The following KLF12 variants were observed in gnomAD, a reference collection of about 807,000 sequenced individuals.
KLF12 encodes KLF transcription factor 12.
A neutral mutation model predicts 37.8 loss-of-function variants in KLF12; 9 were observed. The observed-to-expected ratio is 0.24, with a 90% CI of 0.14 to 0.42. KLF12 has a LOEUF of 0.42. Ranked by LOEUF, KLF12 falls within the 10% of genes least tolerant of loss-of-function variation. The pLI is 1.00. For synonymous variants in KLF12, 208 were observed against 202.1 expected (o/e 1.03, Z -0.25); for missense variants, 411 against 516.0 (o/e 0.80, Z 1.97).
intron 4 of KLF12, among the ~76,000 whole-genome samples, chr13:73,835,751 T>A (rs570010305): frequency 1.3e-5 from 2 of 152,260 alleles, no homozygotes; most frequent in African/African-American, 4.8e-5. Flanking sequence ...TGTAAACAAG[T>A]TAATGAACAA....
intron 6 of KLF12, among the ~76,000 whole-genome samples, chr13:73,740,103 T>G (rs1877857865): frequency 6.6e-6 from 1 of 152,190 alleles, no homozygotes; most frequent in Admixed American, 6.5e-5. Context: ...TTTTTTAAAT[T>G]TTCACAGCAA....
chr13:73,746,027 G>A (rs1419273972), intron 6 of KLF12, among the ~76,000 whole-genome samples: 3 of 150,882 alleles, frequency 2.0e-5, no homozygotes, highest in Admixed American at 6.6e-5. Context: ...ATTTCACAAC[G>A]GTGTGGCACC....
chr13:73,732,202 G>C (rs1296263782), intron 6 of KLF12, among the ~76,000 whole-genome samples: 2 of 151,204 alleles, frequency 1.3e-5, no homozygotes, highest in Non-Finnish European at 2.9e-5. Context: ...TCCTGTCTTA[G>C]CTTCCTGAGT....
rs75805952 is a variant in KLF12 at position 73,956,400 on chromosome 13, C to T, written c.34-12330G>A. ...CCAGGGTTTCTTGACATCTGCACTA[C>T]AGACATTTACACCAGATAAGTCTTT... On this transcript the variant is annotated intron_variant, in intron 2 of 7. Coordinates refer to ENST00000377669, the MANE Select transcript of KLF12 (RefSeq NM_007249.5). 5.3e-5 allele frequency among the ~76,000 whole-genome samples: 8 copies of T among 152,144 alleles called. No individual in the cohort carries two copies. The East Asian group carries it at 5.8e-4, about 11-fold the overall frequency.
chr13:73,761,785 G>A (rs1034087363), intron 6 of KLF12, among the ~76,000 whole-genome samples: 1 of 152,098 alleles, frequency 6.6e-6, no homozygotes. Context: ...TGGGTAGAAG[G>A]AAAAGAGGTT....
At chr13:73,926,377 A>AT (rs1889377031) in intron 3 of KLF12, among the ~76,000 whole-genome samples, 1 of 152,190 alleles carries the variant, frequency 6.6e-6, no homozygotes. Context: ...GATCGTTAGC[A>AT]TTTTTTAGCA....
intron 4 of KLF12, among the ~76,000 whole-genome samples, chr13:73,817,329 GAAAAGAAAA>G (rs1206254033): frequency 3.7e-5 from 3 of 82,086 alleles, no homozygotes; most frequent in Admixed American, 1.2e-4. Flanking sequence ...AAAAAAAAAA[GAAAAGAAAA>G]AAAAGAAAAA....
intron 1 of KLF12, among the ~76,000 whole-genome samples, chr13:74,036,617 G>T (rs199870670): frequency 2.0e-5 from 3 of 152,134 alleles, no homozygotes; most frequent in African/African-American, 7.2e-5. Flanking sequence ...TGCAAAACAG[G>T]TTTTTCTTGC....
At chr13:73,928,931 T>C (rs9543492) in intron 3 of KLF12, among the ~76,000 whole-genome samples, 42,519 of 152,030 alleles carry the variant, frequency 0.28, 7,231 homozygotes, top group Non-Finnish European at 0.39. Context: ...GTACCCCCCA[T>C]AGACATTCTT....
At chr13:74,028,459 T>C (rs1005483401) in intron 1 of KLF12, among the ~76,000 whole-genome samples, 5 of 152,174 alleles carry the variant, frequency 3.3e-5, no homozygotes, top group Non-Finnish European at 7.4e-5. Flanking sequence ...AATGTGGTGG[T>C]TTCACTAGAA....
rs565139812 is a variant in KLF12, at chr13:73,898,700, C to T, written c.123+45281G>A. ...AAATGGATAGGTCCCAATAGAATCTCTCATAAAAATGACAGTACGCCCAAG... is the reference window on the plus strand; with the variant it reads ...AAATGGATAGGTCCCAATAGAATCTTTCATAAAAATGACAGTACGCCCAAG... On this transcript the variant is annotated intron_variant, in intron 3 of 7. Coordinates refer to ENST00000377669, the MANE Select transcript of KLF12 (RefSeq NM_007249.5). Among the ~76,000 whole-genome samples the T allele has an allele frequency of 3.9e-5, 6 of 152,310 alleles. No homozygotes were observed. The South Asian group carries it at 1.2e-3, about 32-fold the overall frequency.
At chr13:73,800,304 C>T (rs760358316) in intron 5 of KLF12, 3 of 151,908 alleles carry the variant, frequency 2.0e-5, no homozygotes, top group Admixed American at 6.6e-5. Context: ...GTAGCTGTTA[C>T]GGATTTTAAA....
chr13:74,151,609 C>A, the KLF12 span, among the ~76,000 whole-genome samples: 1 of 151,998 alleles, frequency 6.6e-6, no homozygotes, highest in Non-Finnish European at 1.5e-5. Context: ...GCTGAGATCG[C>A]ACCACTGCAC....
At chr13:73,905,044 G>A (rs1205317800) in intron 3 of KLF12, among the ~76,000 whole-genome samples, 2 of 151,776 alleles carry the variant, frequency 1.3e-5, no homozygotes. Context: ...TAATTTGCAT[G>A]TTTGTTTTGT....
At chr13:73,737,757 C>G (rs1214626282) in intron 6 of KLF12, among the ~76,000 whole-genome samples, 1 of 151,846 alleles carries the variant, frequency 6.6e-6, no homozygotes, top group African/African-American at 2.4e-5. Flanking sequence ...TTAGGTATAT[C>G]TAAAAGCTGA....
At chr13:73,972,157 A>T (rs560423140) in intron 2 of KLF12, among the ~76,000 whole-genome samples, 2 of 152,326 alleles carry the variant, frequency 1.3e-5, no homozygotes, top group East Asian at 1.9e-4. Context: ...ACGAGTATGT[A>T]AAATCACAGC....
chr13:74,302,604 G>T, the KLF12 span, among the ~76,000 whole-genome samples: 2 of 152,296 alleles, frequency 1.3e-5, no homozygotes, highest in South Asian at 4.1e-4. Flanking sequence ...TTCCGTTGGA[G>T]AAACTGCTTG....
chr13:74,213,053 A>G, the KLF12 span, among the ~76,000 whole-genome samples: 1 of 152,182 alleles, frequency 6.6e-6, no homozygotes. Context: ...ATTCTGCAAC[A>G]GTAGAAAACT....
chr13:74,121,449 T>C (rs896631347), intron 1 of KLF12, among the ~76,000 whole-genome samples: 3 of 151,914 alleles, frequency 2.0e-5, no homozygotes, highest in Non-Finnish European at 4.4e-5. Flanking sequence ...CTAATGACCA[T>C]TATCCCATTA....
Sources: allele counts gnomAD v4.1 joint callset (sites outside exome capture counted in the v4.1 genomes callset), GRCh38; gene constraint gnomAD v4.1.1; transcripts MANE v1.5; gene names NCBI Gene and HGNC (gene_info 2026-07-23, HGNC 2026-07-21).